The following PLA2G4A variants were observed in gnomAD, a reference collection of about 807,000 sequenced individuals.
PLA2G4A encodes the protein cytosolic phospholipase A2.
PLA2G4A carries 40 observed loss-of-function variants against 81.9 expected under a neutral mutation model. That is an observed-to-expected ratio of 0.49 (90% confidence interval 0.38 to 0.64). The LOEUF (loss-of-function observed/expected upper bound fraction) is 0.64. PLA2G4A is among the 30% of genes least tolerant of loss of function. PLA2G4A has a pLI of 0.00. For missense variants in PLA2G4A, 715 were observed against 905.1 expected (o/e 0.79, Z 2.69); for synonymous variants, 302 against 296.9 (o/e 1.02, Z -0.18).
intron 5 of PLA2G4A, among the ~76,000 whole-genome samples, chr1:186,906,214 C>T (rs1232663030): frequency 6.6e-6 from 1 of 152,132 alleles, no homozygotes; most frequent in African/African-American, 2.4e-5. Context: ...ATAGCTAACG[C>T]CAGGGATAAT....
At chr1:186,946,103 G>A (rs1382119384) in intron 10 of PLA2G4A, among the ~76,000 whole-genome samples, 1 of 152,066 alleles carries the variant, frequency 6.6e-6, no homozygotes, top group East Asian at 1.9e-4. Context: ...TACATCTCTG[G>A]CACTATTACC....
In PLA2G4A at chr1:186,988,453, A is replaced by G. The variant is rs1215005058; in HGVS notation, c.2195A>G (p.Asn732Ser). Residue 732 changes from asparagine to serine, a missense_variant, in exon 18 of 18, where the codon AAT (asparagine) becomes AGT (serine). By Grantham distance (46) the Asn-to-Ser change is conservative. Transcript: ENST00000367466. ...NPSRCSVSLS[N>S]VEARRFFNKE... ...TCTCGTTGCTCTGTTTCCCTTAGTA[A>G]TGTTGAGGCAAGAAGATTTTTCAAC... 6.2e-7 allele frequency: 1 copy of G among 1,611,576 alleles called. No homozygotes were observed. The highest frequency in any genetic ancestry group is 8.5e-7 in the Non-Finnish European group (1 of 1,177,852).
At chr1:186,906,187 C>G (rs112644334) in intron 5 of PLA2G4A, among the ~76,000 whole-genome samples, 55 of 152,284 alleles carry the variant, frequency 3.6e-4, no homozygotes, top group African/African-American at 1.1e-3. Context: ...TTATAACAAT[C>G]TACAATTACA....
chr1:186,858,684 G>T (rs1652682804), intron 2 of PLA2G4A, among the ~76,000 whole-genome samples: 1 of 151,972 alleles, frequency 6.6e-6, no homozygotes. Flanking sequence ...AACATATTTA[G>T]GCTATAGTAA....
intron 15 of PLA2G4A, among the ~76,000 whole-genome samples, chr1:186,967,951 A>T (rs1416947793): frequency 2.0e-5 from 3 of 152,140 alleles, no homozygotes; most frequent in African/African-American, 7.2e-5. Flanking sequence ...AGGAATTAAC[A>T]TTAAGAGACA....
chr1:186,837,764 GAA>G (rs1571321862), intron 1 of PLA2G4A, among the ~76,000 whole-genome samples: 1 of 130,006 alleles, frequency 7.7e-6, no homozygotes, highest in Non-Finnish European at 1.6e-5. Context: ...AAAAAGAAAA[GAA>G]AAAAAGAAAA....
chr1:186,885,162 C>A (rs1367622120), intron 3 of PLA2G4A, among the ~76,000 whole-genome samples: 1 of 152,156 alleles, frequency 6.6e-6, no homozygotes, highest in Non-Finnish European at 1.5e-5. Context: ...TGACAGCCAG[C>A]ACCTTCATCA....
At chr1:186,852,394 G>C (rs1652408030) in intron 1 of PLA2G4A, among the ~76,000 whole-genome samples, 1 of 151,960 alleles carries the variant, frequency 6.6e-6, no homozygotes, top group African/African-American at 2.4e-5. Context: ...CAAAATAACA[G>C]AAATGTGAAA....
At chr1:186,839,136 G>T (rs1651889844) in intron 1 of PLA2G4A, among the ~76,000 whole-genome samples, 2 of 152,144 alleles carry the variant, frequency 1.3e-5, no homozygotes, top group Admixed American at 1.3e-4. Context: ...AAATGATTTA[G>T]TTTTACACAA....
At chr1:186,928,386 T>C (rs1487187694) in intron 7 of PLA2G4A, among the ~76,000 whole-genome samples, 1 of 152,180 alleles carries the variant, frequency 6.6e-6, no homozygotes, top group African/African-American at 2.4e-5. Flanking sequence ...ATCCTTACTA[T>C]TATAATGTGG....
rs545101481 is a variant in PLA2G4A at position 186,926,540 on chromosome 1, C to T, written c.559-6223C>T. Among the ~76,000 whole-genome samples, 14 of 152,286 alleles carry T rather than the reference C, an allele frequency of 9.2e-5. No homozygotes were observed. In the South Asian group the frequency reaches 1.2e-3, roughly 14 times the overall value. On this transcript the variant is annotated intron_variant, in intron 7 of 17. Transcript: ENST00000367466. ...CTTAACTTTCCACATCCTTTGTCCC[C>T]TATCAAAGTCTTCACTTTCTGTTCA...
At chr1:186,924,044 A>C (rs1219319408) in intron 7 of PLA2G4A, among the ~76,000 whole-genome samples, 1 of 152,210 alleles carries the variant, frequency 6.6e-6, no homozygotes, top group Non-Finnish European at 1.5e-5. Flanking sequence ...CTTTGCTTTC[A>C]AATGCAGATA....
chr1:186,976,609 G>A (rs1657539082), intron 15 of PLA2G4A, among the ~76,000 whole-genome samples: 2 of 152,240 alleles, frequency 1.3e-5, no homozygotes, highest in South Asian at 4.1e-4. Context: ...GCTTGCATTT[G>A]GACTCAGGCA....
chr1:186,883,098 A>C (rs538135040), intron 3 of PLA2G4A, among the ~76,000 whole-genome samples: 1 of 152,056 alleles, frequency 6.6e-6, no homozygotes, highest in East Asian at 1.9e-4. Flanking sequence ...TAAGGTATTC[A>C]AGGTATTTTT....
chr1:186,873,105 A>T (rs1449971054), intron 3 of PLA2G4A, among the ~76,000 whole-genome samples: 2 of 149,366 alleles, frequency 1.3e-5, no homozygotes, highest in Non-Finnish European at 3.0e-5. Flanking sequence ...AAGAACATGA[A>T]GGAGTGTTAG....
At chr1:186,934,342 T>C (rs1485920659) in intron 8 of PLA2G4A, among the ~76,000 whole-genome samples, 2 of 151,556 alleles carry the variant, frequency 1.3e-5, no homozygotes, top group Non-Finnish European at 3.0e-5. Flanking sequence ...ATTAGAGATA[T>C]AGTCATTGCT....
intron 7 of PLA2G4A, among the ~76,000 whole-genome samples, chr1:186,928,507 C>A (rs1655630461): frequency 6.6e-6 from 1 of 152,160 alleles, no homozygotes; most frequent in South Asian, 2.1e-4. Flanking sequence ...GCACCATAGG[C>A]TCTCCTGGGT....
At chr1:186,965,617 C>A in intron 15 of PLA2G4A, 24 bp downstream of exon 15, 2 of 1,487,312 alleles carry the variant, frequency 1.3e-6, no homozygotes, top group South Asian at 1.1e-5. Flanking sequence ...ATACAGCATT[C>A]CATTCTCTAC....
At chr1:186,905,332 G>A (rs1250124697) in intron 5 of PLA2G4A, among the ~76,000 whole-genome samples, 1 of 151,748 alleles carries the variant, frequency 6.6e-6, no homozygotes, top group Non-Finnish European at 1.5e-5. Flanking sequence ...CACTCACAAT[G>A]GCTTTACACT....
Sources: gnomAD v4.1 joint callset for allele counts (sites outside exome capture counted in the v4.1 genomes callset) on GRCh38, gnomAD v4.1.1 for gene constraint, MANE v1.5 for transcripts, NCBI Gene and HGNC (gene_info 2026-07-23, HGNC 2026-07-21) for gene names.